Variants in BABAM2 observed in about 807,000 individuals in gnomAD.
BABAM2 encodes BRISC and BRCA1-A complex member 2.
BABAM2 carries 31 observed loss-of-function variants against 54.7 expected under a neutral mutation model. The ratio of observed to expected loss-of-function variants is 0.57; its 90% CI spans 0.43 to 0.77. The LOEUF is 0.77. BABAM2 is among the 30% of genes least tolerant of loss of function. BABAM2 has a pLI of 0.00. For missense variants in BABAM2, 364 were observed against 455.8 expected (o/e 0.80, Z 1.83); for synonymous variants, 167 against 162.9 (o/e 1.03, Z -0.19).
At chr2:28,102,922 A>G (rs1180979552) in intron 6 of BABAM2, among the ~76,000 whole-genome samples, 1 of 152,210 alleles carries the variant, frequency 6.6e-6, no homozygotes, top group Non-Finnish European at 1.5e-5. Context: ...TAATGATTTT[A>G]TATAGGAATC....
At chr2:28,134,049 G>T (rs1670320615) in intron 7 of BABAM2, among the ~76,000 whole-genome samples, 1 of 152,046 alleles carries the variant, frequency 6.6e-6, no homozygotes, top group Non-Finnish European at 1.5e-5. Context: ...ATGCTTCTGA[G>T]AAGAACTTTG....
intron 4 of BABAM2, among the ~76,000 whole-genome samples, chr2:27,988,728 T>G (rs1345340667): frequency 6.6e-6 from 1 of 152,230 alleles, no homozygotes; most frequent in Non-Finnish European, 1.5e-5. Context: ...AAAAGTTGTG[T>G]GTTTTGCATG....
chr2:28,304,204 C>T lies in BABAM2; in HGVS notation c.1088+5713C>T, dbSNP rs757997320. Among the ~76,000 whole-genome samples the T allele has an allele frequency of 2.6e-5, 4 of 151,942 alleles. No homozygotes were observed. In the South Asian group the frequency reaches 6.2e-4, roughly 24 times the overall value. On this transcript the variant is annotated intron_variant, in intron 11 of 11. Transcript: ENST00000379624. This position sits in a 1 kb window ranked among gnomAD's most constrained non-coding sequence, Gnocchi z 4.0. Reference sequence around the variant, plus strand: ...CCTAGTAGCTGGGATTACAGGCGCCCGCCACTATGCCCGGCCAATTTTTGT... The same window carrying T: ...CCTAGTAGCTGGGATTACAGGCGCCTGCCACTATGCCCGGCCAATTTTTGT...
At chr2:28,319,707 C>T (rs749739239) in intron 11 of BABAM2, among the ~76,000 whole-genome samples, 7 of 152,228 alleles carry the variant, frequency 4.6e-5, no homozygotes, top group African/African-American at 7.2e-5. Flanking sequence ...GTCCTCTGGC[C>T]GCAGACGCTG....
intron 7 of BABAM2, among the ~76,000 whole-genome samples, chr2:28,156,612 G>A (rs926246799): frequency 2.0e-5 from 3 of 152,050 alleles, no homozygotes; most frequent in African/African-American, 7.2e-5. Flanking sequence ...AATTTTAGAA[G>A]ACTTTTAGAA....
intron 7 of BABAM2, among the ~76,000 whole-genome samples, chr2:28,134,253 G>T (rs1670348395): frequency 6.8e-6 from 1 of 148,098 alleles, no homozygotes; most frequent in Admixed American, 6.7e-5. Flanking sequence ...TTAGATTTTG[G>T]TTGAATATTA....
chr2:27,981,656 T>C (rs1259057929), intron 3 of BABAM2, among the ~76,000 whole-genome samples: 1 of 152,184 alleles, frequency 6.6e-6, no homozygotes, highest in Non-Finnish European at 1.5e-5. Context: ...CTTAGCTTAA[T>C]GTTTTCAAGG....
chr2:28,073,470 C>A (rs892139030), intron 6 of BABAM2, among the ~76,000 whole-genome samples: 1 of 152,166 alleles, frequency 6.6e-6, no homozygotes, highest in Non-Finnish European at 1.5e-5. Flanking sequence ...TGCACTCCAG[C>A]CTGGATGACA....
intron 11 of BABAM2, chr2:28,310,165 C>T (rs1688948861): frequency 5.6e-6 from 9 of 1,612,410 alleles, no homozygotes; most frequent in South Asian, 3.3e-5. Flanking sequence ...TCAGTGAGAA[C>T]GTGTTATTTA....
chr2:28,193,707 A>G (rs1677194346), intron 7 of BABAM2, among the ~76,000 whole-genome samples: 1 of 152,190 alleles, frequency 6.6e-6, no homozygotes, highest in South Asian at 2.1e-4. Flanking sequence ...AACTTCTGTA[A>G]CAGATGATGT....
chr2:28,247,200 G>A (rs1682989941), intron 10 of BABAM2, among the ~76,000 whole-genome samples: 1 of 152,140 alleles, frequency 6.6e-6, no homozygotes, highest in Admixed American at 6.5e-5. Flanking sequence ...TTTGGTCCCT[G>A]TCTCTTAGCA....
At chr2:28,048,263 A>T (rs1677747490) in intron 6 of BABAM2, among the ~76,000 whole-genome samples, 1 of 152,218 alleles carries the variant, frequency 6.6e-6, no homozygotes, top group Non-Finnish European at 1.5e-5. Flanking sequence ...ATAAGTTCAT[A>T]TTACCAGGTG....
At chr2:28,100,077 A>G (rs780547332) in intron 6 of BABAM2, among the ~76,000 whole-genome samples, 6 of 151,698 alleles carry the variant, frequency 4.0e-5, no homozygotes, top group East Asian at 1.9e-4. Flanking sequence ...GATATTGATT[A>G]TTTTCTCTTT....
intron 2 of BABAM2, among the ~76,000 whole-genome samples, chr2:27,915,020 C>G (rs973528670): frequency 6.6e-6 from 1 of 151,968 alleles, no homozygotes; most frequent in Non-Finnish European, 1.5e-5. Flanking sequence ...TCTTTGTTTC[C>G]CTGTAAATTT....
chr2:28,235,841 G>A (rs919931189), intron 7 of BABAM2, among the ~76,000 whole-genome samples: 14 of 149,666 alleles, frequency 9.4e-5, no homozygotes, highest in Non-Finnish European at 1.8e-4. Context: ...TTTTTTTTTT[G>A]TAGAGACGAA....
At chr2:27,950,734 T>A (rs960361632) in intron 3 of BABAM2, among the ~76,000 whole-genome samples, 5 of 152,174 alleles carry the variant, frequency 3.3e-5, no homozygotes, top group African/African-American at 1.2e-4. Flanking sequence ...TATTTCTTCC[T>A]TAAATGTTTG....
intron 7 of BABAM2, among the ~76,000 whole-genome samples, chr2:28,223,619 G>A (rs1210841450): frequency 6.6e-6 from 1 of 152,190 alleles, no homozygotes; most frequent in Non-Finnish European, 1.5e-5. Context: ...GAAGATCAAT[G>A]GGCAACTGGA....
chr2:28,038,886 T>C (rs1024362773), intron 5 of BABAM2, among the ~76,000 whole-genome samples: 2 of 152,198 alleles, frequency 1.3e-5, no homozygotes, highest in Non-Finnish European at 2.9e-5. Flanking sequence ...TTATTTTCCT[T>C]TGGGTATGTA....
intron 3 of BABAM2, among the ~76,000 whole-genome samples, chr2:27,964,478 T>G (rs1670700678): frequency 6.6e-6 from 1 of 152,198 alleles, no homozygotes; most frequent in African/African-American, 2.4e-5. Context: ...ACCAATAATG[T>G]AGTGCAATTA....
Sources: gnomAD v4.1 joint callset for allele counts (sites outside exome capture counted in the v4.1 genomes callset) on GRCh38, gnomAD v4.1.1 for gene constraint, Gnocchi (gnomAD v3.1) non-coding constraint, MANE v1.5 for transcripts, NCBI Gene and HGNC (gene_info 2026-07-23, HGNC 2026-07-21) for gene names.